The following ADAMTS20 variants were observed in gnomAD, a reference collection of about 807,000 sequenced individuals.
ADAMTS20 encodes ADAM metallopeptidase with thrombospondin type 1 motif 20.
ADAMTS20 carries 225 observed loss-of-function variants against 260.1 expected under a neutral mutation model. The ratio of observed to expected loss-of-function variants is 0.87; its 90% CI spans 0.78 to 0.97. The LOEUF is 0.97. Ranked by LOEUF, ADAMTS20 falls within the 50% of genes least tolerant of loss-of-function variation. The probability of loss-of-function intolerance (pLI) is 0.00; values close to 1 mark genes in which losing one functional copy is unlikely to be tolerated. For missense variants in ADAMTS20, 2,400 were observed against 2,337.7 expected, an observed-to-expected ratio of 1.03 and a Z score of -0.55; for synonymous variants, 802 against 769.5, an observed-to-expected ratio of 1.04 and a Z score of -0.70.
At chr12:43,426,167 G>T (rs1238689002) in intron 27 of ADAMTS20, among the ~76,000 whole-genome samples, 1 of 152,006 alleles carries the variant, frequency 6.6e-6, no homozygotes, top group Non-Finnish European at 1.5e-5. Flanking sequence ...TATAAAAACA[G>T]CAAATAACAA....
At chr12:43,506,158 C>A (rs61926793) in intron 3 of ADAMTS20, among the ~76,000 whole-genome samples, 2,875 of 151,378 alleles carry the variant, frequency 0.019, 61 homozygotes, top group African/African-American at 0.054. Context: ...ACAACAACAA[C>A]AAAGGAAGGA....
At chr12:43,390,622 G>A (rs1940577134) in intron 29 of ADAMTS20, among the ~76,000 whole-genome samples, 1 of 152,172 alleles carries the variant, frequency 6.6e-6, no homozygotes, top group African/African-American at 2.4e-5. Context: ...AGTTCTGTCA[G>A]GTTTTGTTTT....
At chr12:43,367,703 ATAAAGAAAT>A (rs1314844751) in intron 37 of ADAMTS20, among the ~76,000 whole-genome samples, 1 of 152,094 alleles carries the variant, frequency 6.6e-6, no homozygotes, top group Non-Finnish European at 1.5e-5. Flanking sequence ...ATAAAACAAG[ATAAAGAAAT>A]TAAAGATATC....
intron 29 of ADAMTS20, among the ~76,000 whole-genome samples, chr12:43,390,902 T>A (rs1365064396): frequency 6.6e-6 from 1 of 152,214 alleles, no homozygotes; most frequent in Non-Finnish European, 1.5e-5. Flanking sequence ...TGCTAGTCAT[T>A]ACCCAGTTCC....
At chr12:43,373,750 G>A (rs1283490162) in intron 36 of ADAMTS20, among the ~76,000 whole-genome samples, 5 of 138,134 alleles carry the variant, frequency 3.6e-5, no homozygotes, top group African/African-American at 1.1e-4. Context: ...CGCGATCTCG[G>A]CTCACTGCAA....
At position 43,452,548 on chromosome 12, in the gene ADAMTS20, G is replaced by C; in HGVS notation, c.1908C>G (p.Pro636=). ...ATCTTGGAAGCCACCTCACATTAGA[G>C]GGAATGCCACTGATGTCCAAATGTT... ...NGKHLDISGI[P]SNVRWLPRYS... Residue 636 remains proline, a synonymous_variant, in exon 13 of 39, where the codon CCC becomes CCG. Transcript: ENST00000389420. The C allele has an allele frequency of 6.2e-7, 1 of 1,613,412 alleles. No homozygotes were observed. The highest frequency in any genetic ancestry group is 8.5e-7 in the Non-Finnish European group (1 of 1,179,642).
intron 28 of ADAMTS20, among the ~76,000 whole-genome samples, chr12:43,412,973 G>C (rs1439034832): frequency 6.6e-6 from 1 of 151,588 alleles, no homozygotes; most frequent in Admixed American, 6.6e-5. Flanking sequence ...ACTACCCCCA[G>C]CTAACTTTTT....
At chr12:43,470,793 A>C (rs977757614) in intron 7 of ADAMTS20, among the ~76,000 whole-genome samples, 1 of 152,236 alleles carries the variant, frequency 6.6e-6, no homozygotes, top group African/African-American at 2.4e-5. Context: ...TGTGTTTATT[A>C]TTAAGAACTC....
At chr12:43,443,341 C>T (rs1179898240) in intron 16 of ADAMTS20, among the ~76,000 whole-genome samples, 1 of 151,968 alleles carries the variant, frequency 6.6e-6, no homozygotes. Context: ...AAATGTGAAA[C>T]CACAGTTCTT....
intron 3 of ADAMTS20, among the ~76,000 whole-genome samples, chr12:43,508,122 T>C (rs1942872032): frequency 6.6e-6 from 1 of 152,022 alleles, no homozygotes; most frequent in Non-Finnish European, 1.5e-5. Context: ...AACTGGCACA[T>C]GTACCCCAAA....
intron 37 of ADAMTS20, among the ~76,000 whole-genome samples, chr12:43,365,285 A>G (rs1939959096): frequency 6.6e-6 from 1 of 152,102 alleles, no homozygotes; most frequent in African/African-American, 2.4e-5. Flanking sequence ...ATCAAGTAAC[A>G]TCAGACATTA....
intron 28 of ADAMTS20, among the ~76,000 whole-genome samples, chr12:43,407,682 A>G (rs1940944398): frequency 6.6e-6 from 1 of 152,106 alleles, no homozygotes; most frequent in Non-Finnish European, 1.5e-5. Flanking sequence ...CTAGTGAGTG[A>G]GAATTAAAGG....
chr12:43,472,747 G>C (rs1942286457), intron 7 of ADAMTS20, among the ~76,000 whole-genome samples: 1 of 150,930 alleles, frequency 6.6e-6, no homozygotes, highest in South Asian at 2.1e-4. Context: ...AGCTTCATAA[G>C]TGAAGGAGAA....
chr12:43,459,142 C>T (rs1011864879), intron 11 of ADAMTS20, among the ~76,000 whole-genome samples: 1 of 152,170 alleles, frequency 6.6e-6, no homozygotes, highest in Non-Finnish European at 1.5e-5. Context: ...ATGTTTGTTA[C>T]AGCTGGAGCT....
chr12:43,492,452 G>T, intron 6 of ADAMTS20, 53 bp downstream of exon 6: 3 of 1,565,274 alleles, frequency 1.9e-6, no homozygotes, highest in South Asian at 1.2e-5. Context: ...TATCAGTCAT[G>T]CAGGAGGGAA....
At position 43,356,557 on chromosome 12, in the gene ADAMTS20, C is replaced by G; in HGVS notation, c.5570G>C (p.Gly1857Ala). 6.2e-7 allele frequency: 1 copy of G among 1,611,838 alleles called. No homozygotes were observed. The highest frequency in any genetic ancestry group is 8.5e-7 in the Non-Finnish European group (1 of 1,178,908). Residue 1857 changes from glycine to alanine, a missense_variant, in exon 38 of 39, where the codon GGG becomes GCG. Gly to Ala is a moderately conservative substitution (Grantham distance 60). Coordinates refer to ENST00000389420, the MANE Select transcript of ADAMTS20 (RefSeq NM_025003.5). Reference protein sequence around the residue: ...GQFSINLSGTGMKISSTAKWL... With the variant: ...GQFSINLSGTAMKISSTAKWL... ...CTTTGCTGTGCTGGATATCTTCATC[C>G]CAGTTCCTGACAAATTAATGCTAAA...
intron 7 of ADAMTS20, among the ~76,000 whole-genome samples, chr12:43,475,486 A>T (rs1330256523): frequency 6.7e-6 from 1 of 148,818 alleles, no homozygotes; most frequent in Non-Finnish European, 1.5e-5. Flanking sequence ...ATTGGAAAAA[A>T]CTACTTTAAA....
chr12:43,428,876 C>T, intron 24 of ADAMTS20, 77 bp from the exon 25 acceptor site: 2 of 1,311,934 alleles, frequency 1.5e-6, no homozygotes, highest in South Asian at 4.4e-5. Flanking sequence ...AGCTGTTACT[C>T]ACATTTCTAA....
At chr12:43,443,153 T>A (rs1328053249) in intron 16 of ADAMTS20, among the ~76,000 whole-genome samples, 10 of 152,234 alleles carry the variant, frequency 6.6e-5, no homozygotes, top group Non-Finnish European at 1.5e-5. Flanking sequence ...TAACTCGCTA[T>A]TAAGATATTT....
Sources: allele counts gnomAD v4.1 joint callset (sites outside exome capture counted in the v4.1 genomes callset), GRCh38; gene constraint gnomAD v4.1.1; transcripts MANE v1.5; gene names NCBI Gene and HGNC (gene_info 2026-07-23, HGNC 2026-07-21).